PNPLA3: variants seen among roughly 807,000 people sequenced by gnomAD.
PNPLA3 encodes patatin like domain 3, 1-acylglycerol-3-phosphate O-acyltransferase.
Under a neutral mutation model 43.1 loss-of-function variants are expected in PNPLA3, and 42 were observed. That is an observed-to-expected ratio of 0.97 (90% confidence interval 0.76 to 1.26). PNPLA3 has a LOEUF of 1.26. Ranked by LOEUF, PNPLA3 falls within the 50% of genes most tolerant of loss-of-function variation. PNPLA3 has a pLI of 0.00. For synonymous variants in PNPLA3, 272 were observed against 253.6 expected (o/e 1.07, Z -0.69); for missense variants, 647 against 621.4 (o/e 1.04, Z -0.44).
chr22:43,946,718 A>C lies in PNPLA3; in HGVS notation c.*336A>C. 3.8e-6 allele frequency: 2 copies of C among 520,656 alleles called. No individual in the cohort carries two copies. Among genetic ancestry groups the C allele is most frequent in the East Asian group, 5.5e-5 (1 of 18,266 alleles). The allele number at this position is 520,656 out of a possible 1,614,324, so 32.3% of individuals were successfully genotyped here. A position where few individuals can be genotyped will look rare whatever the true frequency, so the allele number is the denominator to read the frequency against. On this transcript the variant is annotated 3_prime_UTR_variant, in exon 9 of 9. Transcript: ENST00000216180. ...GGTTCTTAGAATGACAGGTGTTTGG[A>C]TGGGTGGGGGCCTTGTGATGGGGGG...
intron 5 of PNPLA3, among the ~76,000 whole-genome samples, chr22:43,935,258 G>C (rs190138911): frequency 1.6e-4 from 24 of 152,248 alleles, no homozygotes; most frequent in African/African-American, 5.3e-4. Context: ...TGATGAATTT[G>C]TCGTTGGCCA....
chr22:43,930,842 G>A (rs1402992845), intron 3 of PNPLA3, among the ~76,000 whole-genome samples: 1 of 152,170 alleles, frequency 6.6e-6, no homozygotes, highest in Non-Finnish European at 1.5e-5. Context: ...GGGATGTCTG[G>A]CCACATCAGA....
intron 3 of PNPLA3, among the ~76,000 whole-genome samples, chr22:43,931,451 G>T (rs913251932): frequency 1.3e-5 from 2 of 152,236 alleles, no homozygotes; most frequent in African/African-American, 2.4e-5. Flanking sequence ...TCCACCAGCC[G>T]CCTTCCTCCT....
chr22:43,933,031 C>T lies in PNPLA3; in HGVS notation c.640C>T (p.Leu214Phe). ...HVDITKLSLR[L>F]CTGNLYLLSR... is the part of the protein sequence containing the mutation. ...GGACATCACCAAGCTCAGTCTACGC[C>T]TCTGCACAGGGAACCTCTACCTTCT... is the stretch of plus-strand genomic sequence containing the variant. Residue 214 changes from leucine (L) to phenylalanine (F), a missense_variant, in exon 4 of 9, where the codon CTC (leucine) becomes TTC (phenylalanine). Physicochemically the swap from Leu to Phe is conservative, Grantham distance 22 (BLOSUM62 0). Transcript: ENST00000216180. 1 of 1,614,186 alleles carries T rather than the reference C, an allele frequency of 6.2e-7. No individual in the cohort carries two copies. The highest frequency in any genetic ancestry group is 1.7e-4 in the Middle Eastern group (1 of 6,058).
chr22:43,923,917 C>T lies in PNPLA3; in HGVS notation c.6C>T (p.Tyr2=), dbSNP rs2049902903. The part of the protein sequence containing the change: M[Y]DAERGWSLSF... ...CCCGCCCCGCCGCCGCCGCCATGTA[C>T]GACGCAGAGCGCGGCTGGAGCTTGT... is the stretch of plus-strand genomic sequence containing the variant. Residue 2 remains tyrosine, a synonymous_variant, in exon 1 of 9, where the codon TAC becomes TAT. Transcript: ENST00000216180. 3.2e-6 allele frequency: 5 copies of T among 1,558,990 alleles called. No homozygotes were observed. Among genetic ancestry groups the T allele is most frequent in the Admixed American group, 1.8e-5 (1 of 55,338 alleles).
At position 43,946,594 on chromosome 22, in the gene PNPLA3, A is replaced by G. The variant is rs2050065033; in HGVS notation, c.*212A>G. The G allele has an allele frequency of 1.4e-6, 1 of 715,602 alleles. No individual in the cohort carries two copies. The allele number at this position is 715,602 out of a possible 1,614,324, so 44.3% of individuals were successfully genotyped here. A position where few individuals can be genotyped will look rare whatever the true frequency, so the allele number is the denominator to read the frequency against. On this transcript the variant is annotated 3_prime_UTR_variant, in exon 9 of 9. Coordinates refer to ENST00000216180, the MANE Select transcript of PNPLA3 (RefSeq NM_025225.3). ...TAACTCTAATACATCAGCATGCGTT[A>G]ATTCAGCTGGTTGGGAAATGACACC... is the stretch of plus-strand genomic sequence containing the variant.
At chr22:43,931,128 CAAACAAAACA>C (rs541465269) in intron 3 of PNPLA3, among the ~76,000 whole-genome samples, 225 of 150,496 alleles carry the variant, frequency 1.5e-3, no homozygotes, top group African/African-American at 5.2e-3. Flanking sequence ...CTCCGTCTCA[CAAACAAAACA>C]AAACAAAACA....
rs367660283 is a variant in PNPLA3 at position 43,924,117 on chromosome 22, C to A, written c.187+19C>A. ...CCGCTGGGTGCGTCTGGGGACGCTG[C>A]CCGGGCTCCACGTGCGGAGTGGGTG... On this transcript the variant is annotated intron_variant, in intron 1 of 8. Coordinates refer to ENST00000216180, the MANE Select transcript of PNPLA3 (RefSeq NM_025225.3). 6.0e-5 allele frequency: 91 copies of A among 1,519,232 alleles called. No individual in the cohort carries two copies. In the African/African-American group the frequency reaches 1.3e-3, roughly 21 times the overall value. 94.1% of individuals were successfully genotyped at this position (1,519,232 alleles called of 1,614,324 possible). A position where few individuals can be genotyped will look rare whatever the true frequency, so the allele number is the denominator to read the frequency against.
chr22:43,946,512 A>G lies in PNPLA3; in HGVS notation c.*130A>G. On this transcript the variant is annotated 3_prime_UTR_variant, in exon 9 of 9. Coordinates refer to ENST00000216180, the MANE Select transcript of PNPLA3 (RefSeq NM_025225.3). Reference sequence around the variant, plus strand: ...GTGGAGGATCCCAGCCTCTGAGCTGAGTTGGTTTTATGAAAAGCTAGGAAG... The same window carrying G: ...GTGGAGGATCCCAGCCTCTGAGCTGGGTTGGTTTTATGAAAAGCTAGGAAG... The G allele has an allele frequency of 1.0e-6, 1 of 955,372 alleles. No homozygotes were observed. The highest frequency in any genetic ancestry group is 1.6e-6 in the Non-Finnish European group (1 of 610,642). 59.2% of individuals were successfully genotyped at this position (955,372 alleles called of 1,614,324 possible). A position where few individuals can be genotyped will look rare whatever the true frequency, so the allele number is the denominator to read the frequency against.
At chr22:43,928,079 A>G (rs1230886829) in intron 2 of PNPLA3, among the ~76,000 whole-genome samples, 2 of 152,190 alleles carry the variant, frequency 1.3e-5, no homozygotes, top group African/African-American at 2.4e-5. Flanking sequence ...GATAATTTGT[A>G]ATACCAAAAC....
intron 2 of PNPLA3, among the ~76,000 whole-genome samples, chr22:43,927,511 CTG>C (rs1279114180): frequency 1.7e-4 from 25 of 150,430 alleles, no homozygotes; most frequent in Non-Finnish European, 4.4e-5. Flanking sequence ...AAAAGAAAGA[CTG>C]TTTTGTTTTG....
intron 1 of PNPLA3, 166 bp downstream of exon 1, chr22:43,924,264 GGGC>G: frequency 1.2e-6 from 1 of 858,002 alleles, no homozygotes; most frequent in Non-Finnish European, 1.6e-6. Context: ...CTTCCTGCGG[GGGC>G]GCTGTTCCTG....
At chr22:43,936,474 G>A (rs2049996120) in intron 5 of PNPLA3, among the ~76,000 whole-genome samples, 1 of 152,154 alleles carries the variant, frequency 6.6e-6, no homozygotes. Flanking sequence ...TGGTGGCTGA[G>A]TCCCAGCACC....
Position 43,927,017 on chromosome 22 carries a change from A to T in PNPLA3, c.270A>T (p.Leu90Phe). The part of the protein sequence containing the change: ...NIGIFHPSFN[L>F]SKFLRQGLCK... ...GCATCTTCCATCCATCCTTCAACTTAAGCAAGTTCCTCCGACAGGGTCTCT... is the reference window on the plus strand; with the variant it reads ...GCATCTTCCATCCATCCTTCAACTTTAGCAAGTTCCTCCGACAGGGTCTCT... Residue 90 changes from leucine (L) to phenylalanine (F), a missense_variant, in exon 2 of 9, where the codon TTA becomes TTT. Transcript: ENST00000216180. 1 of 1,614,206 alleles carries T rather than the reference A, an allele frequency of 6.2e-7. No homozygotes were observed. The highest frequency in any genetic ancestry group is 8.5e-7 in the Non-Finnish European group (1 of 1,180,044).
chr22:43,933,599 C>G (rs1180086221), intron 4 of PNPLA3, among the ~76,000 whole-genome samples: 1 of 152,090 alleles, frequency 6.6e-6, no homozygotes, highest in Non-Finnish European at 1.5e-5. Flanking sequence ...GTCTCACACT[C>G]CTGGCCTCAA....
At chr22:43,939,452 C>A in intron 6 of PNPLA3, 1 of 933,184 alleles carries the variant, frequency 1.1e-6, no homozygotes. Flanking sequence ...ACCCTATGCT[C>A]CGTAAGCACT....
chr22:43,938,897 T>C (rs1257660168), intron 6 of PNPLA3, among the ~76,000 whole-genome samples: 4 of 152,202 alleles, frequency 2.6e-5, no homozygotes, highest in Admixed American at 2.6e-4. Context: ...ACATAGATGC[T>C]GTGACGTTTG....
intron 1 of PNPLA3, among the ~76,000 whole-genome samples, chr22:43,925,209 C>T (rs112323797): frequency 2.9e-4 from 44 of 152,272 alleles, no homozygotes; most frequent in African/African-American, 9.9e-4. Flanking sequence ...CTCTCCGGCT[C>T]AGTACTCCTG....
Position 43,924,098 on chromosome 22 carries a change from G to T in PNPLA3, c.187G>T (p.Glu63Ter). 6.5e-7 allele frequency: 1 copy of T among 1,548,876 alleles called. No homozygotes were observed. The highest frequency in any genetic ancestry group is 8.6e-7 in the Non-Finnish European group (1 of 1,157,582). ...CGGCGTCCTCTCCGGTATCCCGCTG[G>T]GTGCGTCTGGGGACGCTGCCCGGGC... is the stretch of plus-strand genomic sequence containing the variant. ...CVGVLSGIPL[E>*]QTLQVLSDLV... The change falls in exon 1 of 9, where the codon GAG (glutamate) becomes TAG (stop). Residue 63 changes from glutamate (E) to a stop codon, truncating the protein, a stop_gained and splice_region_variant. Transcript: ENST00000216180. LOFTEE classifies it high-confidence loss of function.
Sources: allele counts gnomAD v4.1 joint callset (sites outside exome capture counted in the v4.1 genomes callset), GRCh38; gene constraint gnomAD v4.1.1; transcripts MANE v1.5; gene names NCBI Gene and HGNC (gene_info 2026-07-23, HGNC 2026-07-21).